The following COBL variants were observed in gnomAD, a reference collection of about 807,000 sequenced individuals.
COBL encodes cordon-bleu WH2 repeat protein, also known as protein cordon-bleu.
Under a neutral mutation model 98.8 loss-of-function variants are expected in COBL, and 51 were observed. That is an observed-to-expected ratio of 0.52 (90% CI 0.41 to 0.65). The LOEUF is 0.65. Among genes scored for constraint, COBL ranks in the 30% least tolerant of loss-of-function variants. The pLI, the probability that COBL is intolerant of heterozygous loss-of-function variation, is 0.00. For synonymous variants in COBL, 634 were observed against 651.7 expected (o/e 0.97, Z 0.41); for missense variants, 1,617 against 1,617.5 (o/e 1.00, Z 0.01).
chr7:51,215,005 A>AT (rs993001365), intron 2 of COBL, among the ~76,000 whole-genome samples: 28 of 150,398 alleles, frequency 1.9e-4, no homozygotes, highest in African/African-American at 2.7e-4. Context: ...TGCAAGTGTT[A>AT]TTTTTTTTTT....
At chr7:51,271,221 A>T (rs990585651) in intron 1 of COBL, among the ~76,000 whole-genome samples, 1 of 152,200 alleles carries the variant, frequency 6.6e-6, no homozygotes, top group Non-Finnish European at 1.5e-5. Flanking sequence ...AAAGCTGCAA[A>T]TATCTGCTGA....
chr7:51,132,169 G>A (rs906223469), intron 6 of COBL, among the ~76,000 whole-genome samples: 4 of 152,230 alleles, frequency 2.6e-5, no homozygotes, highest in Non-Finnish European at 2.9e-5. Flanking sequence ...AACCCCGGCT[G>A]GGGCCATGGA....
chr7:51,123,495 G>T (rs1341072670), intron 6 of COBL, among the ~76,000 whole-genome samples: 1 of 152,096 alleles, frequency 6.6e-6, no homozygotes, highest in African/African-American at 2.4e-5. Context: ...TTCATTTTCT[G>T]CCAGGATGTT....
At chr7:51,113,886 G>A (rs535438139) in intron 6 of COBL, among the ~76,000 whole-genome samples, 46 of 152,262 alleles carry the variant, frequency 3.0e-4, no homozygotes, top group African/African-American at 9.4e-4. Flanking sequence ...CTGTGATTGC[G>A]CTGAAAGATT....
intron 7 of COBL, among the ~76,000 whole-genome samples, chr7:51,058,080 A>G (rs1790946338): frequency 6.6e-6 from 1 of 152,178 alleles, no homozygotes; most frequent in Non-Finnish European, 1.5e-5. Context: ...CAAGATAACC[A>G]TGGTTTACAT....
At chr7:51,260,623 C>G (rs984230941) in intron 1 of COBL, among the ~76,000 whole-genome samples, 3 of 152,186 alleles carry the variant, frequency 2.0e-5, no homozygotes, top group South Asian at 4.1e-4. Context: ...TTCCAAGGCA[C>G]TGGTTGAGCT....
chr7:51,245,106 C>T (rs1796175027), intron 1 of COBL, among the ~76,000 whole-genome samples: 2 of 152,190 alleles, frequency 1.3e-5, no homozygotes, highest in East Asian at 3.9e-4. Context: ...CGCGCCTTTA[C>T]AGCCAGGCTT....
intron 7 of COBL, 36 bp from the exon 8 acceptor site, chr7:51,043,728 C>T (rs1789427541): frequency 6.3e-7 from 1 of 1,579,246 alleles, no homozygotes; most frequent in Non-Finnish European, 8.6e-7. Flanking sequence ...TCAGCCCAAA[C>T]CACTCTGGCG....
Position 51,017,314 on chromosome 7 carries a change from T to C in COBL, c.*237A>G, listed in dbSNP as rs1786368117. On this transcript the variant is annotated 3_prime_UTR_variant, in exon 13 of 13. Coordinates refer to ENST00000265136, the MANE Select transcript of COBL (RefSeq NM_015198.5). ...CAACAAGAATCGTTTATTAGCAACTTAAGATATTCAGAGGCAAAACACATT... is the reference window on the plus strand; with the variant it reads ...CAACAAGAATCGTTTATTAGCAACTCAAGATATTCAGAGGCAAAACACATT... The C allele has an allele frequency of 6.7e-6, 4 of 598,162 alleles. No individual in the cohort carries two copies. Among genetic ancestry groups the C allele is most frequent in the Non-Finnish European group, 1.2e-5 (4 of 335,468 alleles). The allele number at this position is 598,162 out of a possible 1,614,324, so 37.1% of individuals were successfully genotyped here. A position where few individuals can be genotyped will look rare whatever the true frequency, so the allele number is the denominator to read the frequency against.
chr7:51,141,187 A>T (rs1799710619), intron 5 of COBL, among the ~76,000 whole-genome samples: 2 of 152,190 alleles, frequency 1.3e-5, no homozygotes, highest in African/African-American at 4.8e-5. Context: ...CCATCCTACA[A>T]ATACAATTAT....
chr7:51,107,776 C>T (rs1048285133), intron 6 of COBL, among the ~76,000 whole-genome samples: 2 of 152,154 alleles, frequency 1.3e-5, no homozygotes, highest in South Asian at 2.1e-4. Flanking sequence ...ATCCACCTCA[C>T]AGTCCCCTGG....
Position 51,127,901 on chromosome 7 carries a change from A to G in COBL, c.957+8257T>C, listed in dbSNP as rs185181756. On this transcript the variant is annotated intron_variant, in intron 6 of 12. Coordinates refer to ENST00000265136, the MANE Select transcript of COBL (RefSeq NM_015198.5). ...TGACCTTCACTGGAGGATGGACACT[A>G]TAACATTAAAAGGAAACAGAGTGCT... 5.9e-5 allele frequency among the ~76,000 whole-genome samples: 9 copies of G among 152,360 alleles called. No individual in the cohort carries two copies. In the East Asian group the frequency reaches 1.2e-3, roughly 20 times the overall value.
chr7:51,308,664 T>C (rs770465796), intron 1 of COBL, among the ~76,000 whole-genome samples: 1 of 152,186 alleles, frequency 6.6e-6, no homozygotes, highest in Non-Finnish European at 1.5e-5. Flanking sequence ...CCAACTTGCC[T>C]ACCTCCTCCA....
intron 1 of COBL, among the ~76,000 whole-genome samples, chr7:51,263,333 A>G (rs924472850): frequency 3.9e-5 from 6 of 152,166 alleles, no homozygotes; most frequent in Non-Finnish European, 8.8e-5. Context: ...CACGTGTGAG[A>G]AGGAGGGAGC....
At chr7:51,242,751 C>A (rs567746043) in intron 1 of COBL, among the ~76,000 whole-genome samples, 162 of 152,294 alleles carry the variant, frequency 1.1e-3, no homozygotes, top group African/African-American at 3.8e-3. Context: ...GAATTGGGCC[C>A]TGGAAGAGCT....
intron 7 of COBL, among the ~76,000 whole-genome samples, chr7:51,045,266 A>T (rs530192044): frequency 1.3e-4 from 20 of 152,174 alleles, no homozygotes; most frequent in Non-Finnish European, 2.6e-4. Flanking sequence ...CTGGATTCAC[A>T]CCCTGGTGGA....
At chr7:51,065,233 C>T in intron 7 of COBL, 2 of 703,260 alleles carry the variant, frequency 2.8e-6, no homozygotes, top group Non-Finnish European at 5.2e-6. Flanking sequence ...TCTAAGTGTG[C>T]ACATGCATTC....
intron 1 of COBL, among the ~76,000 whole-genome samples, chr7:51,273,975 C>T (rs1207789145): frequency 2.0e-5 from 3 of 152,248 alleles, no homozygotes; most frequent in South Asian, 4.2e-4. Flanking sequence ...CCATCAAATG[C>T]GATCTTCTTC....
intron 2 of COBL, among the ~76,000 whole-genome samples, chr7:51,204,197 A>G (rs1791436062): frequency 6.6e-6 from 1 of 152,158 alleles, no homozygotes; most frequent in South Asian, 2.1e-4. Context: ...AACTCTCACC[A>G]AAAAAAGGCA....
Sources: gnomAD v4.1 joint callset for allele counts (sites outside exome capture counted in the v4.1 genomes callset) on GRCh38, gnomAD v4.1.1 for gene constraint, MANE v1.5 for transcripts, NCBI Gene and HGNC (gene_info 2026-07-23, HGNC 2026-07-21) for gene names.